The following RBMS3 variants were observed in gnomAD, a reference collection of about 807,000 sequenced individuals.
The protein encoded by RBMS3 is RNA-binding motif, single-stranded-interacting protein 3.
A neutral mutation model predicts 66.8 loss-of-function variants in RBMS3; 27 were observed. That is an observed-to-expected ratio of 0.40 (90% CI 0.30 to 0.56). The LOEUF is 0.56. Ranked by LOEUF, RBMS3 falls within the 20% of genes least tolerant of loss-of-function variation. The probability of loss-of-function intolerance (pLI) is 0.40; values close to 1 mark genes in which losing one functional copy is unlikely to be tolerated. For missense variants in RBMS3, 513 were observed against 549.5 expected (o/e 0.93, Z 0.66); for synonymous variants, 188 against 183.0 (o/e 1.03, Z -0.22).
chr3:29,805,120 T>C (rs117903123), intron 6 of RBMS3, among the ~76,000 whole-genome samples: 2 of 152,070 alleles, frequency 1.3e-5, no homozygotes, highest in African/African-American at 4.8e-5. Context: ...TGGTTAATGA[T>C]GGACTGTGTA....
At chr3:29,970,057 G>T (rs189451425) in intron 12 of RBMS3, among the ~76,000 whole-genome samples, 1 of 152,024 alleles carries the variant, frequency 6.6e-6, no homozygotes, top group Admixed American at 6.5e-5. Context: ...GAGGATGTTC[G>T]TTTATATCCA....
intron 6 of RBMS3, among the ~76,000 whole-genome samples, chr3:29,778,722 T>G (rs908338805): frequency 6.6e-6 from 1 of 151,854 alleles, no homozygotes; most frequent in Non-Finnish European, 1.5e-5. Flanking sequence ...CAATTTCCCC[T>G]TTGGTAAAAT....
chr3:29,592,397 A>G (rs964999393), intron 4 of RBMS3, among the ~76,000 whole-genome samples: 6 of 152,200 alleles, frequency 3.9e-5, no homozygotes, highest in African/African-American at 1.4e-4. Context: ...GCCAACAGAC[A>G]CATGAAAAAA....
intron 4 of RBMS3, among the ~76,000 whole-genome samples, chr3:29,714,314 A>T (rs1245527359): frequency 6.6e-6 from 1 of 152,214 alleles, no homozygotes; most frequent in African/African-American, 2.4e-5. Context: ...GAAATATCAA[A>T]GAGAGGAGTC....
At position 29,726,296 on chromosome 3, in the gene RBMS3, C is replaced by A. The variant is rs559283977; in HGVS notation, c.400-13424C>A. ...TGGAAGCATTCCCTTTGAAAACTGG[C>A]AGAAGACAAGGATGCCCTCTCTCAC... On this transcript the variant is annotated intron_variant, in intron 4 of 14. Coordinates refer to ENST00000383767, the MANE Select transcript of RBMS3 (RefSeq NM_001003793.3). 2.0e-5 allele frequency among the ~76,000 whole-genome samples: 3 copies of A among 152,144 alleles called. No individual in the cohort carries two copies. The East Asian group carries it at 5.8e-4, about 29-fold the overall frequency.
At chr3:29,651,025 T>G (rs1460914558) in intron 4 of RBMS3, among the ~76,000 whole-genome samples, 1 of 152,090 alleles carries the variant, frequency 6.6e-6, no homozygotes, top group East Asian at 1.9e-4. Context: ...TGATTTTTTT[T>G]GATGTTGCCT....
At chr3:29,788,162 C>T (rs1288240513) in intron 6 of RBMS3, among the ~76,000 whole-genome samples, 5 of 145,490 alleles carry the variant, frequency 3.4e-5, no homozygotes, top group Admixed American at 6.8e-5. Flanking sequence ...TTCTCTAAAT[C>T]TTGTCTTTTT....
chr3:29,635,905 A>C (rs1392524476), intron 4 of RBMS3, among the ~76,000 whole-genome samples: 3 of 151,888 alleles, frequency 2.0e-5, no homozygotes, highest in Non-Finnish European at 2.9e-5. Context: ...ATGGAAAAGA[A>C]TCAAGCAAGG....
chr3:29,316,055 G>A (rs139476667), intron 1 of RBMS3, among the ~76,000 whole-genome samples: 3 of 151,562 alleles, frequency 2.0e-5, no homozygotes, highest in East Asian at 3.9e-4. Flanking sequence ...AGGTATTACC[G>A]GGGTGATATT....
At position 29,897,407 on chromosome 3, in the gene RBMS3, A is replaced by G; in HGVS notation, c.820A>G (p.Thr274Ala). ...GFYSSPYSIA[T>A]NRMIPQTSIT... ...TTATTCTTCACCGTACAGTATTGCA[A>G]CCAACCGCATGATTCCACAGACATC... Residue 274 changes from threonine (T) to alanine (A), a missense_variant, in exon 9 of 15, where the codon ACC becomes GCC. Transcript: ENST00000383767. The G allele has an allele frequency of 6.2e-7, 1 of 1,611,064 alleles. No homozygotes were observed. The highest frequency in any genetic ancestry group is 8.5e-7 in the Non-Finnish European group (1 of 1,178,006).
At chr3:29,588,002 C>T (rs144103061) in intron 4 of RBMS3, among the ~76,000 whole-genome samples, 27 of 152,010 alleles carry the variant, frequency 1.8e-4, no homozygotes, top group African/African-American at 6.3e-4. Context: ...ATACATATTG[C>T]GCCAATGTCA....
intron 3 of RBMS3, among the ~76,000 whole-genome samples, chr3:29,510,020 A>G (rs1223342641): frequency 6.6e-6 from 1 of 152,240 alleles, no homozygotes; most frequent in East Asian, 1.9e-4. Context: ...GGCTGTGATT[A>G]GAAACTGGGA....
At chr3:29,369,487 A>AACAC (rs59274434) in intron 1 of RBMS3, among the ~76,000 whole-genome samples, 4,096 of 135,222 alleles carry the variant, frequency 0.03, 87 homozygotes, top group African/African-American at 0.058. Context: ...ATCACTCCTT[A>AACAC]ACACACACAC....
chr3:29,850,982 C>A (rs895153606), intron 6 of RBMS3, among the ~76,000 whole-genome samples: 4 of 152,304 alleles, frequency 2.6e-5, no homozygotes, highest in Admixed American at 2.0e-4. Flanking sequence ...TACTTCTAAC[C>A]TTTTGCCTAC....
At chr3:29,687,805 T>C (rs1053758991) in intron 4 of RBMS3, among the ~76,000 whole-genome samples, 2 of 152,140 alleles carry the variant, frequency 1.3e-5, no homozygotes, top group African/African-American at 4.8e-5. Context: ...TAGACATAAG[T>C]TACGAGGGAT....
chr3:29,845,801 G>A (rs952599279), intron 6 of RBMS3, among the ~76,000 whole-genome samples: 1 of 152,058 alleles, frequency 6.6e-6, no homozygotes, highest in Non-Finnish European at 1.5e-5. Context: ...AGGAGGATTT[G>A]GTTAAGACTG....
At chr3:29,629,017 C>T (rs552002345) in intron 4 of RBMS3, among the ~76,000 whole-genome samples, 5 of 152,170 alleles carry the variant, frequency 3.3e-5, no homozygotes, top group Admixed American at 6.6e-5. Context: ...TTCTTCCAAA[C>T]CACCCATTCT....
chr3:29,698,844 C>G (rs116170035), intron 4 of RBMS3, among the ~76,000 whole-genome samples: 4,193 of 152,092 alleles, frequency 0.028, 82 homozygotes, highest in Admixed American at 0.064. Flanking sequence ...ATTAATACTA[C>G]CATATTAAAG....
At chr3:29,744,606 A>C (rs896416433) in intron 5 of RBMS3, among the ~76,000 whole-genome samples, 3 of 152,102 alleles carry the variant, frequency 2.0e-5, no homozygotes, top group African/African-American at 2.4e-5. Flanking sequence ...ACATAGCGAA[A>C]CCTCATCGCT....
Sources: gnomAD v4.1 joint callset for allele counts (sites outside exome capture counted in the v4.1 genomes callset) on GRCh38, gnomAD v4.1.1 for gene constraint, MANE v1.5 for transcripts, NCBI Gene and HGNC (gene_info 2026-07-23, HGNC 2026-07-21) for gene names.